LRRTM4: variants seen among roughly 807,000 people sequenced by gnomAD.
LRRTM4 encodes the protein leucine rich repeat transmembrane neuronal 4, also known as leucine-rich repeat transmembrane neuronal protein 4.
Under a neutral mutation model 47.6 loss-of-function variants are expected in LRRTM4, and 25 were observed. The observed-to-expected ratio is 0.53, with a 90% CI of 0.38 to 0.73. LRRTM4 has a LOEUF of 0.73. LRRTM4 is among the 30% of genes least tolerant of loss of function. LRRTM4 has a pLI of 0.00. For missense variants in LRRTM4, 638 were observed against 713.4 expected (o/e 0.89, Z 1.20); for synonymous variants, 311 against 269.5 (o/e 1.15, Z -1.51).
intron 3 of LRRTM4, chr2:76,985,925 C>T (rs1170631789): frequency 1.3e-5 from 2 of 151,856 alleles, no homozygotes; most frequent in Non-Finnish European, 2.9e-5. Context: ...TTTCAAAGAC[C>T]TGAAAACAAG....
intron 3 of LRRTM4, among the ~76,000 whole-genome samples, chr2:77,005,896 C>A (rs1433187624): frequency 6.6e-6 from 1 of 152,130 alleles, no homozygotes; most frequent in Non-Finnish European, 1.5e-5. Flanking sequence ...TTATTAACAT[C>A]CTCTTGTGTT....
chr2:76,933,388 T>C (rs541851343), intron 3 of LRRTM4, among the ~76,000 whole-genome samples: 31 of 152,218 alleles, frequency 2.0e-4, no homozygotes, highest in African/African-American at 7.2e-4. Context: ...GTCATACAAA[T>C]ACCTGCTTGC....
chr2:77,201,306 T>C (rs1342723031), intron 3 of LRRTM4, among the ~76,000 whole-genome samples: 1 of 152,138 alleles, frequency 6.6e-6, no homozygotes, highest in African/African-American at 2.4e-5. Flanking sequence ...TAATGTACTA[T>C]AGGAGTACCC....
intron 3 of LRRTM4, among the ~76,000 whole-genome samples, chr2:77,488,996 T>C (rs1364910706): frequency 2.5e-4 from 1 of 4,032 alleles, no homozygotes; most frequent in Non-Finnish European, 3.3e-4. Context: ...ACTTAAAGTA[T>C]AATAATAATA....
At chr2:77,488,482 GA>G (rs1235464729) in intron 3 of LRRTM4, among the ~76,000 whole-genome samples, 7 of 152,218 alleles carry the variant, frequency 4.6e-5, no homozygotes. Context: ...TGGGTGGAAT[GA>G]AGCCAGTGGG....
At chr2:77,195,742 A>C (rs941981674) in intron 3 of LRRTM4, among the ~76,000 whole-genome samples, 1 of 152,174 alleles carries the variant, frequency 6.6e-6, no homozygotes, top group African/African-American at 2.4e-5. Flanking sequence ...CTGTGATTCT[A>C]ATTTTTTAAT....
At chr2:76,840,984 A>G (rs1255482511) in intron 3 of LRRTM4, among the ~76,000 whole-genome samples, 1 of 151,456 alleles carries the variant, frequency 6.6e-6, no homozygotes, top group Non-Finnish European at 1.5e-5. Flanking sequence ...ACGTATGTTT[A>G]TTGTGGCACT....
chr2:76,747,919 G>C lies in LRRTM4; in HGVS notation c.*776C>G, dbSNP rs1672701764. 6.6e-6 allele frequency: 1 copy of C among 151,974 alleles called. No homozygotes were observed. The highest frequency in any genetic ancestry group is 1.5e-5 in the Non-Finnish European group (1 of 68,014). 9.4% of individuals were successfully genotyped at this position (151,974 alleles called of 1,614,324 possible). A position where few individuals can be genotyped will look rare whatever the true frequency, so the allele number is the denominator to read the frequency against. ...AATGATTCTGCTGGTCTTCTCATTC[G>C]GAGATCTTCATGGCTCTCTCAGGCA... On this transcript the variant is annotated 3_prime_UTR_variant, in exon 4 of 4. Coordinates refer to ENST00000409884, the MANE Select transcript of LRRTM4 (RefSeq NM_001134745.3).
intron 3 of LRRTM4, among the ~76,000 whole-genome samples, chr2:77,096,952 A>G (rs1189299407): frequency 6.6e-6 from 1 of 151,894 alleles, no homozygotes; most frequent in African/African-American, 2.4e-5. Flanking sequence ...AAAATAAAAA[A>G]ATCCATATGC....
intron 3 of LRRTM4, among the ~76,000 whole-genome samples, chr2:77,029,258 G>C (rs574332481): frequency 1.3e-5 from 2 of 151,896 alleles, no homozygotes; most frequent in African/African-American, 4.8e-5. Context: ...TAGGAGTATT[G>C]ACTCACACGA....
intron 3 of LRRTM4, among the ~76,000 whole-genome samples, chr2:77,389,146 T>C (rs1488487275): frequency 2.0e-5 from 3 of 152,120 alleles, no homozygotes; most frequent in East Asian, 1.9e-4. Flanking sequence ...AATCTTACTT[T>C]GAAGTGTATC....
rs56982328 is a variant in LRRTM4, at chr2:77,011,531, T to TTGTGTG, written c.1552-262621_1552-262616dup. ...CAGACTGGCAACTAGGAAGAAGCAT[T>TTGTGTG]TGTGTGTGTGTGTGTGTGTGTGTGT... On this transcript the variant is annotated intron_variant, in intron 3 of 3. Coordinates refer to ENST00000409884, the MANE Select transcript of LRRTM4 (RefSeq NM_001134745.3). Among the ~76,000 whole-genome samples the TTGTGTG allele has an allele frequency of 4.5e-3, 655 of 144,116 alleles. 4 individuals are homozygous for TTGTGTG. The highest frequency in any genetic ancestry group is 9.3e-3 in the South Asian group (41 of 4,406). 94.5% of individuals were successfully genotyped at this position (144,116 alleles called of 152,430 possible).
At chr2:77,005,721 G>C (rs1180340278) in intron 3 of LRRTM4, among the ~76,000 whole-genome samples, 2 of 152,110 alleles carry the variant, frequency 1.3e-5, no homozygotes, top group Non-Finnish European at 2.9e-5. Context: ...TGACTTTGCT[G>C]CTCATTCACC....
chr2:77,042,611 GT>G (rs1448420378), intron 3 of LRRTM4, among the ~76,000 whole-genome samples: 1 of 151,568 alleles, frequency 6.6e-6, no homozygotes, highest in Non-Finnish European at 1.5e-5. Flanking sequence ...ATAGAAGTTT[GT>G]TTTTATTGTA....
At chr2:77,002,602 T>C (rs1167448518) in intron 3 of LRRTM4, among the ~76,000 whole-genome samples, 2 of 152,146 alleles carry the variant, frequency 1.3e-5, no homozygotes, top group South Asian at 2.1e-4. Context: ...CTTTCAAAAA[T>C]GTAAGCAGAA....
intron 3 of LRRTM4, among the ~76,000 whole-genome samples, chr2:76,776,947 G>A (rs1325515026): frequency 7.4e-6 from 1 of 134,550 alleles, no homozygotes; most frequent in Non-Finnish European, 1.6e-5. Context: ...AAGGTGTAAG[G>A]AAGGGATCCA....
intron 3 of LRRTM4, among the ~76,000 whole-genome samples, chr2:76,976,373 T>C (rs1477499156): frequency 1.3e-5 from 2 of 151,718 alleles, no homozygotes; most frequent in Admixed American, 6.6e-5. Flanking sequence ...GAAACCCATA[T>C]ATAAACGATG....
At chr2:77,451,345 A>G (rs552466990) in intron 3 of LRRTM4, among the ~76,000 whole-genome samples, 1 of 152,214 alleles carries the variant, frequency 6.6e-6, no homozygotes, top group Non-Finnish European at 1.5e-5. Flanking sequence ...AAGGCAATCA[A>G]TAAGTATCTG....
chr2:76,913,174 T>G (rs1035741499), intron 3 of LRRTM4, among the ~76,000 whole-genome samples: 5 of 152,222 alleles, frequency 3.3e-5, no homozygotes, highest in Admixed American at 3.3e-4. Flanking sequence ...GTCCATAATC[T>G]TGACCCATTT....
Sources: allele counts gnomAD v4.1 joint callset (sites outside exome capture counted in the v4.1 genomes callset), GRCh38; gene constraint gnomAD v4.1.1; transcripts MANE v1.5; gene names NCBI Gene and HGNC (gene_info 2026-07-23, HGNC 2026-07-21).